USP48: variants seen among roughly 807,000 people sequenced by gnomAD.
The protein encoded by USP48 is ubiquitin specific peptidase 48.
Under a neutral mutation model 150.7 loss-of-function variants are expected in USP48, and 43 were observed. That is an observed-to-expected ratio of 0.29 (90% CI 0.22 to 0.37). The LOEUF is 0.37. Ranked by LOEUF, USP48 falls within the 10% of genes least tolerant of loss-of-function variation. USP48 has a pLI of 1.00. For synonymous variants in USP48, 396 were observed against 425.9 expected, an observed-to-expected ratio of 0.93 and a Z score of 0.86; for missense variants, 813 against 1,249.6, an observed-to-expected ratio of 0.65 and a Z score of 5.27.
chr1:21,767,339 C>CG (rs1431549563), intron 1 of USP48, among the ~76,000 whole-genome samples: 1 of 151,690 alleles, frequency 6.6e-6, no homozygotes, highest in Non-Finnish European at 1.5e-5. Context: ...TTTTTTGAGA[C>CG]GGTGTCTCGC....
In USP48 at chr1:21,724,024, C is replaced by T. The variant is rs2097729347; in HGVS notation, c.1522G>A (p.Asp508Asn). ...TGGGAACACAGGCAAGCGTGATTATCAATAGGTTTGGTAGGTGTTGATTCA... is the reference window on the plus strand; with the variant it reads ...TGGGAACACAGGCAAGCGTGATTATTAATAGGTTTGGTAGGTGTTGATTCA... The part of the protein sequence containing the change: ...LDESTPTKPI[D>N]NHACLCSHDK... The change falls in exon 12 of 27, where the codon GAT becomes AAT. Residue 508 changes from aspartate to asparagine, a missense_variant. By Grantham distance (23) the Asp-to-Asn change is conservative. Transcript: ENST00000308271. The T allele has an allele frequency of 6.2e-7, 1 of 1,614,056 alleles. No individual in the cohort carries two copies. The highest frequency in any genetic ancestry group is 8.5e-7 in the Non-Finnish European group (1 of 1,180,044).
chr1:21,710,338 C>T (rs916570031), intron 15 of USP48, among the ~76,000 whole-genome samples: 1 of 152,224 alleles, frequency 6.6e-6, no homozygotes, highest in South Asian at 2.1e-4. Flanking sequence ...GACCCTCAAC[C>T]CCTCACCCTC....
intron 24 of USP48, among the ~76,000 whole-genome samples, chr1:21,687,785 A>C (rs139032625): frequency 6.6e-6 from 1 of 152,236 alleles, no homozygotes. Flanking sequence ...CTAGCTGCCC[A>C]TGTGAAGTAC....
chr1:21,691,445 C>T (rs2097600227), intron 23 of USP48, among the ~76,000 whole-genome samples: 1 of 152,050 alleles, frequency 6.6e-6, no homozygotes, highest in East Asian at 1.9e-4. Flanking sequence ...ACCAGCCTGG[C>T]CATCATGGCA....
At chr1:21,738,996 T>C (rs148497589) in intron 8 of USP48, among the ~76,000 whole-genome samples, 26 of 152,236 alleles carry the variant, frequency 1.7e-4, no homozygotes, top group African/African-American at 6.0e-4. Context: ...TCTAAATGCA[T>C]TGTCAAGAAA....
chr1:21,736,738 T>A (rs1405333827), intron 8 of USP48, 113 bp from the exon 9 acceptor site: 8 of 927,036 alleles, frequency 8.6e-6, no homozygotes, highest in Non-Finnish European at 1.2e-5. Context: ...ACTAAAAACA[T>A]GTCACCTAAA....
chr1:21,716,850 A>T (rs908026535), intron 14 of USP48, among the ~76,000 whole-genome samples: 1 of 151,858 alleles, frequency 6.6e-6, no homozygotes, highest in African/African-American at 2.4e-5. Context: ...AACACAGTGA[A>T]ACCTCGTCTC....
At chr1:21,738,653 C>T (rs573886524) in intron 8 of USP48, among the ~76,000 whole-genome samples, 16 of 151,678 alleles carry the variant, frequency 1.1e-4, no homozygotes, top group Admixed American at 7.2e-4. Context: ...CCACCACGCC[C>T]GGCCCATTTT....
chr1:21,694,298 C>G (rs765303779), intron 23 of USP48, among the ~76,000 whole-genome samples: 1 of 151,952 alleles, frequency 6.6e-6, no homozygotes, highest in African/African-American at 2.4e-5. Flanking sequence ...CAAGGCCGGG[C>G]GCGGTGGCTC....
At chr1:21,762,781 G>A (rs1434781579) in intron 1 of USP48, among the ~76,000 whole-genome samples, 4 of 149,310 alleles carry the variant, frequency 2.7e-5, no homozygotes, top group Non-Finnish European at 5.9e-5. Context: ...CAGGAGAATT[G>A]CTTGAACCTG....
intron 11 of USP48, among the ~76,000 whole-genome samples, chr1:21,726,325 C>T (rs763625144): frequency 2.0e-5 from 3 of 152,176 alleles, no homozygotes; most frequent in African/African-American, 4.8e-5. Flanking sequence ...TTTCCAATCT[C>T]ACAGAAAACT....
chr1:21,732,504 A>G (rs931147818), intron 9 of USP48, among the ~76,000 whole-genome samples: 1 of 152,206 alleles, frequency 6.6e-6, no homozygotes, highest in Non-Finnish European at 1.5e-5. Flanking sequence ...ATATTTACAA[A>G]AAAAGTACAT....
chr1:21,683,491 C>A (rs1374807910), intron 25 of USP48, among the ~76,000 whole-genome samples: 4 of 152,082 alleles, frequency 2.6e-5, no homozygotes, highest in African/African-American at 9.7e-5. Context: ...CTCAAGCAAT[C>A]CACCCACCTC....
chr1:21,744,070 T>C (rs150950129), intron 8 of USP48, among the ~76,000 whole-genome samples: 1 of 152,304 alleles, frequency 6.6e-6, no homozygotes, highest in African/African-American at 2.4e-5. Flanking sequence ...TTATTACCAA[T>C]AGACAGCATT....
chr1:21,710,896 C>A (rs549328230), intron 15 of USP48, among the ~76,000 whole-genome samples: 2 of 152,078 alleles, frequency 1.3e-5, no homozygotes, highest in Non-Finnish European at 2.9e-5. Context: ...TAACCACAAT[C>A]TCCTGGGCTC....
At chr1:21,751,478 G>A in intron 6 of USP48, 29 bp downstream of exon 6, 1 of 1,538,048 alleles carries the variant, frequency 6.5e-7, no homozygotes, top group South Asian at 1.1e-5. Context: ...TAATGGGCAG[G>A]AACAATACAT....
intron 8 of USP48, 114 bp downstream of exon 8, chr1:21,746,953 G>C (rs2097796012): frequency 1.3e-6 from 1 of 740,896 alleles, no homozygotes. Flanking sequence ...GGTTCCCAGA[G>C]AGAGATTAGC....
intron 17 of USP48, 23 bp downstream of exon 17, chr1:21,706,444 T>A: frequency 6.2e-7 from 1 of 1,613,280 alleles, no homozygotes; most frequent in South Asian, 1.1e-5. Flanking sequence ...GATGCATTCT[T>A]TCTTTTGTGG....
chr1:21,749,047 G>GA (rs2097802385), intron 6 of USP48, among the ~76,000 whole-genome samples: 2 of 152,162 alleles, frequency 1.3e-5, no homozygotes, highest in Non-Finnish European at 2.9e-5. Flanking sequence ...GAGACGTGTA[G>GA]AAAAATCAAA....
Sources: gnomAD v4.1 joint callset for allele counts (sites outside exome capture counted in the v4.1 genomes callset) on GRCh38, gnomAD v4.1.1 for gene constraint, MANE v1.5 for transcripts, NCBI Gene and HGNC (gene_info 2026-07-23, HGNC 2026-07-21) for gene names.